The following FRMD4B variants were observed in gnomAD, a reference collection of about 807,000 sequenced individuals.
FRMD4B encodes the protein FERM domain-containing protein 4B.
A neutral mutation model predicts 141.5 loss-of-function variants in FRMD4B; 74 were observed. The ratio of observed to expected loss-of-function variants is 0.52; its 90% CI spans 0.43 to 0.63. The LOEUF (loss-of-function observed/expected upper bound fraction) is 0.63. FRMD4B is among the 30% of genes least tolerant of loss of function. The pLI is 0.00. For synonymous variants in FRMD4B, 506 were observed against 467.9 expected (o/e 1.08, Z -1.05); for missense variants, 1,366 against 1,253.4 (o/e 1.09, Z -1.36).
At chr3:69,368,514 C>G (rs60969945) in intron 1 of FRMD4B, among the ~76,000 whole-genome samples, 5 of 152,106 alleles carry the variant, frequency 3.3e-5, no homozygotes, top group East Asian at 1.9e-4. Flanking sequence ...GTGCCTACCC[C>G]CCTTGTCGTT....
chr3:69,475,059 G>C (rs1705961359), intron 1 of FRMD4B, among the ~76,000 whole-genome samples: 1 of 152,088 alleles, frequency 6.6e-6, no homozygotes, highest in African/African-American at 2.4e-5. Flanking sequence ...TCGGGTGTGT[G>C]CCCTTACCTC....
chr3:69,238,761 GA>G (rs2093362925), intron 7 of FRMD4B, among the ~76,000 whole-genome samples: 1 of 152,166 alleles, frequency 6.6e-6, no homozygotes, highest in Non-Finnish European at 1.5e-5. Context: ...CTCCAGCCAG[GA>G]TAACAGAGAA....
chr3:69,358,462 CG>C (rs1559827978), intron 1 of FRMD4B, among the ~76,000 whole-genome samples: 1 of 151,952 alleles, frequency 6.6e-6, no homozygotes, highest in Non-Finnish European at 1.5e-5. Flanking sequence ...TGGCCAGATC[CG>C]GGGGGCACAT....
chr3:69,446,022 G>T (rs568899266), intron 1 of FRMD4B, among the ~76,000 whole-genome samples: 4 of 152,134 alleles, frequency 2.6e-5, no homozygotes, highest in Non-Finnish European at 4.4e-5. Context: ...TGTATGTGTT[G>T]ATTTATTTAT....
intron 7 of FRMD4B, among the ~76,000 whole-genome samples, chr3:69,230,540 G>A (rs1284676171): frequency 6.6e-6 from 1 of 151,770 alleles, no homozygotes; most frequent in African/African-American, 2.4e-5. Context: ...GAGGTCAGGA[G>A]TTTGAGACCA....
At chr3:69,415,029 C>T (rs898838240) in intron 2 of FRMD4B, among the ~76,000 whole-genome samples, 1 of 151,944 alleles carries the variant, frequency 6.6e-6, no homozygotes, top group Admixed American at 6.6e-5. Flanking sequence ...CCACACCTGG[C>T]TAATGTTTGT....
rs140758233 is a variant in FRMD4B, at chr3:69,212,044, C to T, written c.876+4219G>A. ...AGTAGACACCCCCCAAAAAAAAAAACGGAGAAAGAGAAGGCAAGAAAGTGA... is the reference window on the plus strand; with the variant it reads ...AGTAGACACCCCCCAAAAAAAAAAATGGAGAAAGAGAAGGCAAGAAAGTGA... On this transcript the variant is annotated intron_variant, in intron 11 of 22. Coordinates refer to ENST00000398540, the MANE Select transcript of FRMD4B (RefSeq NM_015123.3). Among the ~76,000 whole-genome samples, 683 of 146,224 alleles carry T rather than the reference C, an allele frequency of 4.7e-3. 5 individuals carry two copies. The highest frequency in any genetic ancestry group is 0.016 in the African/African-American group (627 of 39,964).
At chr3:69,241,801 G>A (rs1166011654) in intron 7 of FRMD4B, among the ~76,000 whole-genome samples, 5 of 151,980 alleles carry the variant, frequency 3.3e-5, no homozygotes, top group Admixed American at 6.6e-5. Flanking sequence ...CCCAGGAGGC[G>A]GAGTTTGCAG....
intron 2 of FRMD4B, among the ~76,000 whole-genome samples, chr3:69,409,639 G>A (rs1018553887): frequency 6.6e-6 from 1 of 152,056 alleles, no homozygotes; most frequent in African/African-American, 2.4e-5. Flanking sequence ...AAACCTAATT[G>A]GCATAAACCA....
chr3:69,215,449 C>T (rs2093131672), intron 11 of FRMD4B, among the ~76,000 whole-genome samples: 1 of 151,374 alleles, frequency 6.6e-6, no homozygotes, highest in Admixed American at 6.6e-5. Flanking sequence ...CCTGCCACTA[C>T]ACGTGGCTAA....
intron 1 of FRMD4B, among the ~76,000 whole-genome samples, chr3:69,510,974 T>C (rs1422582861): frequency 2.0e-5 from 3 of 152,228 alleles, no homozygotes; most frequent in Non-Finnish European, 4.4e-5. Flanking sequence ...AATAGAGCAT[T>C]TTATTTACAT....
rs2092885304 is a variant in FRMD4B at position 69,195,025 on chromosome 3, T to C, written c.1485A>G (p.Glu495=). 1.2e-6 allele frequency: 2 copies of C among 1,613,484 alleles called. No individual in the cohort carries two copies. The highest frequency in any genetic ancestry group is 1.1e-5 in the South Asian group (1 of 91,010). ...GGCTCAGAGGCGTTGTTCATACTTC[T>C]TCACTCGGCAGCAAGTTGTCATCTA... ...FKLDDNLLPS[E]EDPALQELES... is the part of the protein sequence containing the mutation. Residue 495 remains glutamate, a synonymous_variant, in exon 16 of 23, where the codon GAA becomes GAG. Transcript: ENST00000398540.
chr3:69,467,104 C>G (rs1160022077), intron 1 of FRMD4B, among the ~76,000 whole-genome samples: 4 of 152,168 alleles, frequency 2.6e-5, no homozygotes, highest in African/African-American at 9.7e-5. Context: ...TCTCTCTCCC[C>G]CAGAGGTCCC....
intron 5 of FRMD4B, among the ~76,000 whole-genome samples, chr3:69,269,340 A>G (rs1386382031): frequency 2.6e-5 from 4 of 151,274 alleles, no homozygotes; most frequent in Admixed American, 6.6e-5. Flanking sequence ...AGAGCTTTGG[A>G]TATATATTAA....
chr3:69,470,554 C>T (rs1475074020), intron 1 of FRMD4B, among the ~76,000 whole-genome samples: 1 of 152,128 alleles, frequency 6.6e-6, no homozygotes, highest in East Asian at 1.9e-4. Context: ...TACTTGTGGT[C>T]TTCAGAGAAA....
At chr3:69,200,312 GT>G in intron 11 of FRMD4B, 3 of 574,548 alleles carry the variant, frequency 5.2e-6, no homozygotes, top group Non-Finnish European at 6.6e-6. Flanking sequence ...ATAGCTGTCT[GT>G]AACTATAACA....
At chr3:69,229,015 G>GT (rs58912710) in intron 7 of FRMD4B, among the ~76,000 whole-genome samples, 74,401 of 120,800 alleles carry the variant, frequency 0.62, 22,708 homozygotes, top group South Asian at 0.78. Context: ...TCAAAATCAT[G>GT]TTTTTTTTTT....
chr3:69,304,483 C>CAAAAAAA (rs1313360753), intron 3 of FRMD4B, among the ~76,000 whole-genome samples: 1 of 67,594 alleles, frequency 1.5e-5, no homozygotes. Flanking sequence ...GATTCTATCT[C>CAAAAAAA]AAAAAAAAAA....
In FRMD4B at chr3:69,248,910, T is replaced by A. The variant is rs547299780; in HGVS notation, c.581+316A>T. On this transcript the variant is annotated intron_variant, in intron 7 of 22. Transcript: ENST00000398540. ...CGAACACAAGATTATTGTAAGGTTT[T>A]TTTTTATCAGCATAAGCTATCAAAG... Among the ~76,000 whole-genome samples, 62 of 152,376 alleles carry A rather than the reference T, an allele frequency of 4.1e-4. No individual in the cohort carries two copies. The South Asian group carries it at 6.2e-3, about 15-fold the overall frequency.
Sources: allele counts gnomAD v4.1 joint callset (sites outside exome capture counted in the v4.1 genomes callset), GRCh38; gene constraint gnomAD v4.1.1; transcripts MANE v1.5; gene names NCBI Gene and HGNC (gene_info 2026-07-23, HGNC 2026-07-21).